The following LMNB1 variants were observed in gnomAD, a reference collection of about 807,000 sequenced individuals.
LMNB1 encodes lamin-B1.
A neutral mutation model predicts 67.1 loss-of-function variants in LMNB1; 23 were observed. The ratio of observed to expected loss-of-function variants is 0.34; its 90% CI spans 0.25 to 0.49. LMNB1 has a LOEUF of 0.49. LMNB1 is among the 20% of genes least tolerant of loss of function. LMNB1 has a pLI of 0.99. For synonymous variants in LMNB1, 281 were observed against 282.9 expected, an observed-to-expected ratio of 0.99 and a Z score of 0.07; for missense variants, 634 against 746.5, an observed-to-expected ratio of 0.85 and a Z score of 1.76.
intron 5 of LMNB1, 87 bp from the exon 6 acceptor site, chr5:126,818,835 T>C: frequency 1.1e-6 from 1 of 940,624 alleles, no homozygotes; most frequent in South Asian, 1.5e-5. Flanking sequence ...TGTACTGTTT[T>C]CCAGTCTAGG....
chr5:126,821,374 T>C (rs1751864961), intron 7 of LMNB1, among the ~76,000 whole-genome samples: 1 of 152,214 alleles, frequency 6.6e-6, no homozygotes, highest in Non-Finnish European at 1.5e-5. Flanking sequence ...GGGCCAGGGC[T>C]TTTTTGAAAA....
chr5:126,814,653 C>T (rs1751663403), intron 5 of LMNB1, among the ~76,000 whole-genome samples: 1 of 152,142 alleles, frequency 6.6e-6, no homozygotes. Context: ...ATTCTCCTGC[C>T]TCAGCCTCCT....
Position 126,818,602 on chromosome 5 carries a change from A to G in LMNB1, c.940-320A>G, listed in dbSNP as rs1009925639. ...ATACTTTTGGAAGTAAAGGCTTTGT[A>G]AGGGAGCCAGACTTGACTTTTACCA... On this transcript the variant is annotated intron_variant, in intron 5 of 10. Transcript: ENST00000261366. Among the ~76,000 whole-genome samples the G allele has an allele frequency of 6.6e-5, 10 of 152,326 alleles. No homozygotes were observed. In the East Asian group the frequency reaches 9.6e-4, roughly 15 times the overall value.
intron 8 of LMNB1, among the ~76,000 whole-genome samples, 163 bp from the exon 9 acceptor site, chr5:126,825,825 G>A (rs1378030527): frequency 6.6e-6 from 1 of 152,310 alleles, no homozygotes; most frequent in East Asian, 1.9e-4. Flanking sequence ...GCCTTGAGAA[G>A]CTCTGTGAGT....
intron 1 of LMNB1, among the ~76,000 whole-genome samples, chr5:126,783,207 A>AAAAC (rs960243115): frequency 2.6e-5 from 4 of 151,958 alleles, no homozygotes; most frequent in African/African-American, 9.7e-5. Flanking sequence ...CTCAAAAACA[A>AAAAC]AAACAAACAA....
At chr5:126,783,507 T>C (rs1323526806) in intron 1 of LMNB1, among the ~76,000 whole-genome samples, 1 of 152,104 alleles carries the variant, frequency 6.6e-6, no homozygotes, top group African/African-American at 2.4e-5. Flanking sequence ...ACCAAACCCC[T>C]AAAAATGATT....
chr5:126,781,623 A>G (rs1277968368), intron 1 of LMNB1, among the ~76,000 whole-genome samples: 1 of 151,964 alleles, frequency 6.6e-6, no homozygotes, highest in Non-Finnish European at 1.5e-5. Flanking sequence ...TTTAGTAGAG[A>G]CGGGGTTTCA....
intron 1 of LMNB1, among the ~76,000 whole-genome samples, chr5:126,802,762 C>T (rs1189196118): frequency 6.6e-6 from 1 of 152,110 alleles, no homozygotes; most frequent in African/African-American, 2.4e-5. Flanking sequence ...ATTATTAAGG[C>T]TTCTCTGTGT....
intron 10 of LMNB1, among the ~76,000 whole-genome samples, chr5:126,833,804 C>T (rs1373526268): frequency 6.6e-6 from 1 of 152,210 alleles, no homozygotes; most frequent in Non-Finnish European, 1.5e-5. Context: ...TCCAGGCCAG[C>T]AGAGTAGTTG....
intron 1 of LMNB1, among the ~76,000 whole-genome samples, chr5:126,798,784 T>TGTGTGTGTGTGTGTGC (rs201855609): frequency 3.3e-5 from 5 of 151,536 alleles, no homozygotes; most frequent in African/African-American, 4.9e-5. Flanking sequence ...TGTGTGTGTG[T>TGTGTGTGTGTGTGTGC]GCGTGTGCTT....
At chr5:126,816,305 G>T (rs1751702429) in intron 5 of LMNB1, among the ~76,000 whole-genome samples, 1 of 152,012 alleles carries the variant, frequency 6.6e-6, no homozygotes, top group South Asian at 2.1e-4. Context: ...TTAATTAATT[G>T]ATTGGTCAAT....
At chr5:126,783,175 G>A (rs1346933858) in intron 1 of LMNB1, among the ~76,000 whole-genome samples, 1 of 151,924 alleles carries the variant, frequency 6.6e-6, no homozygotes, top group Non-Finnish European at 1.5e-5. Context: ...ACTCCAGCTT[G>A]GGCGACAGAG....
chr5:126,787,524 G>GTATATATATATATATATATA (rs1179342923), intron 1 of LMNB1, among the ~76,000 whole-genome samples: 12 of 87,666 alleles, frequency 1.4e-4, no homozygotes, highest in African/African-American at 5.0e-4. Flanking sequence ...GTGTGTGGGG[G>GTATATATATATATATATATA]TATATATATA....
intron 9 of LMNB1, among the ~76,000 whole-genome samples, chr5:126,832,113 T>C (rs1752149031): frequency 6.6e-6 from 1 of 151,992 alleles, no homozygotes; most frequent in African/African-American, 2.4e-5. Flanking sequence ...TAAAAATGTA[T>C]AAAAATTAGC....
At chr5:126,797,544 C>T (rs1451531187) in intron 1 of LMNB1, among the ~76,000 whole-genome samples, 1 of 152,138 alleles carries the variant, frequency 6.6e-6, no homozygotes, top group Non-Finnish European at 1.5e-5. Flanking sequence ...GAGGCATTGT[C>T]AGATGTCATT....
At chr5:126,817,878 G>A (rs957359205) in intron 5 of LMNB1, among the ~76,000 whole-genome samples, 8 of 152,126 alleles carry the variant, frequency 5.3e-5, no homozygotes, top group Non-Finnish European at 8.8e-5. Flanking sequence ...TTTTTGAGTT[G>A]TCACTTTCTG....
Position 126,818,983 on chromosome 5 carries a change from A to G in LMNB1, c.1001A>G (p.Asn334Ser), listed in dbSNP as rs1751792532. 6.2e-7 allele frequency: 1 copy of G among 1,614,136 alleles called. No individual in the cohort carries two copies. Among genetic ancestry groups the G allele is most frequent in the Non-Finnish European group, 8.5e-7 (1 of 1,180,016 alleles). Residue 334 changes from asparagine (N) to serine (S), a missense_variant, in exon 6 of 11, where the codon AAC becomes AGC. Transcript: ENST00000261366. ...LEDLLAKEKD[N>S]SRRMLTDKER... ...GACTTGCTTGCTAAAGAAAAAGACA[A>G]CTCTCGTCGCATGCTGACAGACAAA...
intron 9 of LMNB1, among the ~76,000 whole-genome samples, chr5:126,826,928 G>C (rs1202584270): frequency 6.6e-6 from 1 of 152,158 alleles, no homozygotes; most frequent in African/African-American, 2.4e-5. Flanking sequence ...CCTTTTAGTT[G>C]TAATACTGCT....
In LMNB1 at chr5:126,826,056, G is replaced by A. The variant is rs6875053; in HGVS notation, c.1560G>A (p.Ser520=). ...ACCTCATCTGGAAGAACCAGAACTC[G>A]TGGGGCACTGGCGAAGATGTGAAGG... ...PTDLIWKNQN[S]WGTGEDVKVI... Residue 520 remains serine, a synonymous_variant, in exon 9 of 11, where the codon TCG becomes TCA. Coordinates refer to ENST00000261366, the MANE Select transcript of LMNB1 (RefSeq NM_005573.4). 10,870 of 1,614,032 alleles carry A rather than the reference G, an allele frequency of 6.7e-3. 619 individuals are homozygous for A. The African/African-American group carries it at 0.12, about 18-fold the overall frequency.
Sources: allele counts gnomAD v4.1 joint callset (sites outside exome capture counted in the v4.1 genomes callset), GRCh38; gene constraint gnomAD v4.1.1; transcripts MANE v1.5; gene names NCBI Gene and HGNC (gene_info 2026-07-23, HGNC 2026-07-21).